The following TLK1 variants were observed in gnomAD, a reference collection of about 807,000 sequenced individuals.
The protein encoded by TLK1 is serine/threonine-protein kinase tousled-like 1.
In TLK1, 24 loss-of-function variants were observed where a neutral mutation model predicts 105.3. The ratio of observed to expected loss-of-function variants is 0.23; its 90% confidence interval spans 0.17 to 0.32. The LOEUF (loss-of-function observed/expected upper bound fraction) is 0.32. TLK1 is among the 10% of genes least tolerant of loss of function. The pLI, the probability that TLK1 is intolerant of heterozygous loss-of-function variation, is 1.00. For synonymous variants in TLK1, 321 were observed against 310.4 expected (o/e 1.03, Z -0.36); for missense variants, 558 against 910.5 (o/e 0.61, Z 4.98).
intron 1 of TLK1, among the ~76,000 whole-genome samples, chr2:171,227,713 C>T (rs527813876): frequency 2.6e-5 from 4 of 151,298 alleles, no homozygotes; most frequent in Non-Finnish European, 5.9e-5. Context: ...CTTGTCTTAC[C>T]TCTACAACTT....
chr2:171,031,221 T>C (rs894420608), intron 11 of TLK1, among the ~76,000 whole-genome samples: 3 of 152,190 alleles, frequency 2.0e-5, no homozygotes, highest in African/African-American at 7.2e-5. Context: ...TTAGGGATTA[T>C]TAATACCTGA....
At chr2:171,100,645 T>C (rs541923327) in intron 2 of TLK1, among the ~76,000 whole-genome samples, 2 of 152,212 alleles carry the variant, frequency 1.3e-5, no homozygotes, top group Admixed American at 6.5e-5. Context: ...AGCAGATGAA[T>C]ACAGGCTATA....
At position 171,006,872 on chromosome 2, in the gene TLK1, T is replaced by A. The variant is rs779662820; in HGVS notation, c.1526A>T (p.Tyr509Phe). ...GTGATCCAGTTCTTTGTGTATTCTATACTCTCTGCAGGCATGTCTATGAGA... is the reference window on the plus strand; with the variant it reads ...GTGATCCAGTTCTTTGTGTATTCTAAACTCTCTGCAGGCATGTCTATGAGA... The part of the protein sequence containing the change: ...ENYHKHACRE[Y>F]RIHKELDHPR... Residue 509 changes from tyrosine (Y) to phenylalanine (F), a missense_variant, in exon 16 of 21, where the codon TAT becomes TTT. Tyr to Phe is a conservative substitution (Grantham distance 22, BLOSUM62 3). Transcript: ENST00000431350. 3 of 1,613,116 alleles carry A rather than the reference T, an allele frequency of 1.9e-6. No homozygotes were observed. The highest frequency in any genetic ancestry group is 2.5e-6 in the Non-Finnish European group (3 of 1,179,392).
At chr2:171,082,243 C>A (rs1045953551) in intron 3 of TLK1, among the ~76,000 whole-genome samples, 1 of 151,828 alleles carries the variant, frequency 6.6e-6, no homozygotes, top group African/African-American at 2.4e-5. Flanking sequence ...TGTAAAATCC[C>A]AGATATTTTC....
chr2:171,003,273 C>CAAAAAAAAAAAA lies in TLK1; in HGVS notation c.1904+2862_1904+2873dup, dbSNP rs777049271. ...TGGGCGACAGAGCAAGACTCCGTCT[C>CAAAAAAAAAAAA]AAAAAAAAAAAAAAAAAAAAAAAAA... is the stretch of plus-strand genomic sequence containing the variant. On this transcript the variant is annotated intron_variant, in intron 18 of 20. Transcript: ENST00000431350. Among the ~76,000 whole-genome samples the CAAAAAAAAAAAA allele has an allele frequency of 1.1e-3, 75 of 68,480 alleles. 4 individuals are homozygous for CAAAAAAAAAAAA. The highest frequency in any genetic ancestry group is 3.8e-3 in the African/African-American group (46 of 12,224). 44.9% of individuals were successfully genotyped at this position (68,480 alleles called of 152,430 possible). A position where few individuals can be genotyped will look rare whatever the true frequency, so the allele number is the denominator to read the frequency against.
intron 2 of TLK1, among the ~76,000 whole-genome samples, chr2:171,095,020 C>A (rs1689394608): frequency 1.3e-5 from 2 of 152,002 alleles, no homozygotes; most frequent in South Asian, 4.2e-4. Context: ...CAACACACTC[C>A]TAAATAACCA....
At chr2:171,037,278 C>A (rs573757462) in intron 11 of TLK1, among the ~76,000 whole-genome samples, 1 of 151,840 alleles carries the variant, frequency 6.6e-6, no homozygotes, top group South Asian at 2.1e-4. Flanking sequence ...CCCATCTCTA[C>A]TAAAAATACA....
At chr2:171,041,367 T>C (rs1686665787) in intron 11 of TLK1, among the ~76,000 whole-genome samples, 1 of 152,254 alleles carries the variant, frequency 6.6e-6, no homozygotes, top group Admixed American at 6.5e-5. Context: ...GAGTTAAATT[T>C]GGAATCCACA....
chr2:171,225,942 A>G (rs1693889258), intron 1 of TLK1, among the ~76,000 whole-genome samples: 1 of 152,162 alleles, frequency 6.6e-6, no homozygotes, highest in Non-Finnish European at 1.5e-5. Context: ...TCTAGGAACT[A>G]TCAGTAGACA....
chr2:171,053,667 C>T (rs1687356589), intron 8 of TLK1, 94 bp downstream of exon 8: 5 of 1,032,916 alleles, frequency 4.8e-6, no homozygotes, highest in Non-Finnish European at 7.0e-6. Context: ...GGCCTAGCTA[C>T]AGATTTTTTT....
intron 1 of TLK1, among the ~76,000 whole-genome samples, chr2:171,126,156 ATCCTG>A (rs2105546638): frequency 6.6e-6 from 1 of 152,298 alleles, no homozygotes; most frequent in South Asian, 2.1e-4. Flanking sequence ...TCTTCTTACT[ATCCTG>A]TTTCCCAAAA....
intron 3 of TLK1, among the ~76,000 whole-genome samples, chr2:171,075,766 A>T (rs551161132): frequency 1.2e-4 from 18 of 152,338 alleles, no homozygotes; most frequent in Admixed American, 4.6e-4. Context: ...GCTTTTAATA[A>T]TCATTAAGAA....
chr2:171,158,619 T>C (rs1453524106), intron 1 of TLK1, among the ~76,000 whole-genome samples: 6 of 152,220 alleles, frequency 3.9e-5, no homozygotes, highest in African/African-American at 1.4e-4. Flanking sequence ...AATGAATGAA[T>C]GATGATATAG....
At chr2:171,223,482 T>C (rs1009947306) in intron 1 of TLK1, among the ~76,000 whole-genome samples, 52 of 2,286 alleles carry the variant, frequency 0.023, no homozygotes, top group Middle Eastern at 0.5. Context: ...TATTTTGCAC[T>C]TTTTTTTTTT....
rs200277788 is a variant in TLK1 at position 171,006,430 on chromosome 2, A to G, written c.1768+44T>C. On this transcript the variant is annotated intron_variant, in intron 17 of 20. Coordinates refer to ENST00000431350, the MANE Select transcript of TLK1 (RefSeq NM_012290.5). ...ATAACTTAATGAATGACTTTTAAAA[A>G]CTATACTCAAGTTTAAAAAAAATTA... 30 of 1,525,384 alleles carry G rather than the reference A, an allele frequency of 2.0e-5. No individual in the cohort carries two copies. In the East Asian group the frequency reaches 6.1e-4, roughly 31 times the overall value. 94.5% of individuals were successfully genotyped at this position (1,525,384 alleles called of 1,614,324 possible).
intron 1 of TLK1, among the ~76,000 whole-genome samples, chr2:171,227,598 T>G (rs1436711443): frequency 9.6e-6 from 1 of 104,196 alleles, no homozygotes; most frequent in Admixed American, 1.0e-4. Flanking sequence ...TTTTTTTTTT[T>G]GTTTAAGCCA....
chr2:171,163,800 AC>A (rs1692558708), upstream of TLK1, among the ~76,000 whole-genome samples: 1 of 151,522 alleles, frequency 6.6e-6, no homozygotes, highest in Admixed American at 6.6e-5. Context: ...ATCTTGGCTC[AC>A]TGCAACCTCT....
At chr2:170,993,996 T>C in intron 20 of TLK1, 40 bp from the exon 21 acceptor site, 5 of 1,535,094 alleles carry the variant, frequency 3.3e-6, no homozygotes, top group Non-Finnish European at 4.4e-6. Flanking sequence ...TAATGATCTT[T>C]TTCCCTTCTA....
intron 17 of TLK1, 95 bp from the exon 18 acceptor site, chr2:171,006,377 C>T (rs1390219127): frequency 5.4e-6 from 8 of 1,475,998 alleles, no homozygotes; most frequent in African/African-American, 1.4e-5. Flanking sequence ...TGATGTCTTA[C>T]AAGAGAAACC....
Sources: gnomAD v4.1 joint callset for allele counts (sites outside exome capture counted in the v4.1 genomes callset) on GRCh38, gnomAD v4.1.1 for gene constraint, MANE v1.5 for transcripts, NCBI Gene and HGNC (gene_info 2026-07-23, HGNC 2026-07-21) for gene names.